Variants in ADGRL3 observed in about 807,000 individuals in gnomAD.
ADGRL3 encodes adhesion G protein-coupled receptor L3.
A neutral mutation model predicts 153.5 loss-of-function variants in ADGRL3; 62 were observed. The ratio of observed to expected loss-of-function variants is 0.40; its 90% CI spans 0.33 to 0.50. The LOEUF is 0.50. Among genes scored for constraint, ADGRL3 ranks in the 20% least tolerant of loss-of-function variants. ADGRL3 has a pLI of 0.47. For synonymous variants in ADGRL3, 710 were observed against 672.5 expected, an observed-to-expected ratio of 1.06 and a Z score of -0.86; for missense variants, 1,641 against 1,859.4, an observed-to-expected ratio of 0.88 and a Z score of 2.16.
intron 5 of ADGRL3, among the ~76,000 whole-genome samples, chr4:61,659,897 C>CAAAA (rs566191178): frequency 5.5e-5 from 6 of 109,070 alleles, no homozygotes; most frequent in East Asian, 3.0e-4. Flanking sequence ...GTGAAGATTA[C>CAAAA]AAAAAAAAAA....
intron 21 of ADGRL3, among the ~76,000 whole-genome samples, chr4:62,006,614 TTTTA>T (rs2099160304): frequency 6.6e-6 from 1 of 151,596 alleles, no homozygotes; most frequent in Non-Finnish European, 1.5e-5. Flanking sequence ...GTTACTTATG[TTTTA>T]TTTATTTTTG....
intron 11 of ADGRL3, among the ~76,000 whole-genome samples, chr4:61,906,616 TTACTC>T (rs1396933557): frequency 2.0e-5 from 3 of 152,240 alleles, no homozygotes; most frequent in South Asian, 4.2e-4. Flanking sequence ...CAATGGTAAT[TTACTC>T]TAATAGGAGC....
intron 4 of ADGRL3, among the ~76,000 whole-genome samples, chr4:61,582,720 A>G (rs1398598231): frequency 1.3e-5 from 2 of 151,940 alleles, no homozygotes; most frequent in African/African-American, 4.8e-5. Context: ...TTCATCTATC[A>G]TGTAATTATT....
At chr4:61,313,617 A>C (rs2150575251) in intron 1 of ADGRL3, among the ~76,000 whole-genome samples, 1 of 152,332 alleles carries the variant, frequency 6.6e-6, no homozygotes, top group African/African-American at 2.4e-5. Context: ...CCACAGAGTA[A>C]GTGATGTAAA....
chr4:61,868,033 A>G (rs1004713898), intron 9 of ADGRL3, among the ~76,000 whole-genome samples: 1 of 152,138 alleles, frequency 6.6e-6, no homozygotes, highest in East Asian at 1.9e-4. Context: ...AATATTAGTT[A>G]TAGAAAATTC....
chr4:61,809,096 A>G (rs1032595442), intron 8 of ADGRL3, among the ~76,000 whole-genome samples: 10 of 152,096 alleles, frequency 6.6e-5, no homozygotes, highest in Admixed American at 2.0e-4. Flanking sequence ...TTTAAAGCAA[A>G]CAACAACAAC....
At chr4:62,008,654 A>G (rs992933674) in intron 21 of ADGRL3, among the ~76,000 whole-genome samples, 1 of 151,436 alleles carries the variant, frequency 6.6e-6, no homozygotes, top group Non-Finnish European at 1.5e-5. Context: ...ATATTAATAT[A>G]TAATAATATA....
chr4:61,587,385 C>T lies in ADGRL3; in HGVS notation c.418C>T (p.Gln140Ter). The T allele has an allele frequency of 6.2e-7, 1 of 1,612,516 alleles. No individual in the cohort carries two copies. Among genetic ancestry groups the T allele is most frequent in the Non-Finnish European group, 8.5e-7 (1 of 1,179,108 alleles). ...CAAAATTTGTGACTCTGACCCTGCT[C>T]AGATGGAGAATATCCGATGTTATCT... ...DDKICDSDPAQMENIRCYLPD... is the reference protein window; with the variant it reads ...DDKICDSDPA Residue 140 changes from glutamine to a stop codon, truncating the protein, a stop_gained, in exon 5 of 27, where the codon CAG (glutamine) becomes TAG (stop). Coordinates refer to ENST00000683033, the MANE Select transcript of ADGRL3 (RefSeq NM_001387552.1). LOFTEE classifies it high-confidence loss of function.
At chr4:61,877,805 C>T (rs762799428) in intron 9 of ADGRL3, among the ~76,000 whole-genome samples, 2 of 152,072 alleles carry the variant, frequency 1.3e-5, no homozygotes, top group Non-Finnish European at 2.9e-5. Context: ...ATTGTAATAC[C>T]CACATATCAG....
At chr4:61,372,904 A>T (rs1005861034) in intron 1 of ADGRL3, among the ~76,000 whole-genome samples, 2 of 152,112 alleles carry the variant, frequency 1.3e-5, no homozygotes, top group Non-Finnish European at 2.9e-5. Flanking sequence ...GGACCCTCCG[A>T]GCCAGGTGCG....
intron 2 of ADGRL3, among the ~76,000 whole-genome samples, chr4:61,481,797 C>T (rs2098134555): frequency 6.6e-6 from 1 of 151,794 alleles, no homozygotes; most frequent in South Asian, 2.1e-4. Context: ...AATATTCTTA[C>T]TCTTTCACAG....
At chr4:61,908,289 CA>C (rs1418711533) in intron 11 of ADGRL3, among the ~76,000 whole-genome samples, 10 of 150,110 alleles carry the variant, frequency 6.7e-5, no homozygotes, top group Non-Finnish European at 1.5e-5. Flanking sequence ...CCCTGTCTTA[CA>C]AAAGAAAAAA....
At chr4:61,915,055 A>G (rs1258851213) in intron 13 of ADGRL3, among the ~76,000 whole-genome samples, 1 of 152,086 alleles carries the variant, frequency 6.6e-6, no homozygotes, top group South Asian at 2.1e-4. Flanking sequence ...TAAGGCTAAT[A>G]AAGGCATTTT....
chr4:62,036,809 A>G (rs907587494), intron 23 of ADGRL3, among the ~76,000 whole-genome samples: 1 of 152,024 alleles, frequency 6.6e-6, no homozygotes, highest in Non-Finnish European at 1.5e-5. Context: ...TATAATTGAT[A>G]TAATAAGATG....
intron 8 of ADGRL3, among the ~76,000 whole-genome samples, chr4:61,741,314 C>T (rs1405597257): frequency 6.6e-6 from 1 of 152,186 alleles, no homozygotes; most frequent in Admixed American, 6.5e-5. Flanking sequence ...TGAGATACCA[C>T]ATTGTCTCTA....
intron 2 of ADGRL3, among the ~76,000 whole-genome samples, chr4:61,403,073 G>A (rs1310508207): frequency 7.8e-6 from 1 of 127,422 alleles, no homozygotes; most frequent in African/African-American, 2.8e-5. Context: ...CACACAGGGA[G>A]CGGGAACTCT....
At chr4:61,460,348 G>A (rs970340353) in intron 2 of ADGRL3, among the ~76,000 whole-genome samples, 3 of 152,038 alleles carry the variant, frequency 2.0e-5, no homozygotes, top group Admixed American at 6.6e-5. Flanking sequence ...CGTATATACA[G>A]TGGAATACTA....
intron 19 of ADGRL3, among the ~76,000 whole-genome samples, chr4:61,984,024 A>T (rs2099077287): frequency 6.6e-6 from 1 of 152,158 alleles, no homozygotes; most frequent in African/African-American, 2.4e-5. Flanking sequence ...CAACAGAAAG[A>T]GTATAGGAGC....
intron 2 of ADGRL3, among the ~76,000 whole-genome samples, chr4:61,390,468 G>A (rs1040837720): frequency 6.6e-6 from 1 of 152,126 alleles, no homozygotes; most frequent in African/African-American, 2.4e-5. Flanking sequence ...TCGGTGTTTT[G>A]TGTCATAGCT....
Sources: gnomAD v4.1 joint callset for allele counts (sites outside exome capture counted in the v4.1 genomes callset) on GRCh38, gnomAD v4.1.1 for gene constraint, MANE v1.5 for transcripts, NCBI Gene and HGNC (gene_info 2026-07-23, HGNC 2026-07-21) for gene names.